Variants in SSTR5 observed in about 807,000 individuals in gnomAD.
SSTR5 encodes somatostatin receptor 5, also known as somatostatin receptor type 5.
SSTR5 carries 1 observed loss-of-function variant against 0.3 expected under a neutral mutation model. That is an observed-to-expected ratio of 2.98 (90% CI 1.06 to 14.15). The LOEUF (loss-of-function observed/expected upper bound fraction) is 14.15. Ranked by LOEUF, SSTR5 falls within the 30% of genes most tolerant of loss-of-function variation. The pLI is 0.12. For missense variants in SSTR5, 516 were observed against 543.2 expected, an observed-to-expected ratio of 0.95 and a Z score of 0.50; for synonymous variants, 256 against 263.1, an observed-to-expected ratio of 0.97 and a Z score of 0.26.
chr16:1,077,846 A>C (rs1960244379), intron 1 of SSTR5: 1 of 151,564 alleles, frequency 6.6e-6, no homozygotes, highest in Non-Finnish European at 1.5e-5. Context: ...ACCCTTCTCC[A>C]TGGACACCCC....
intron 1 of SSTR5, chr16:1,078,546 G>T (rs148979099): frequency 4.5e-6 from 2 of 444,106 alleles, no homozygotes; most frequent in Non-Finnish European, 8.3e-6. Flanking sequence ...AGGATGCTGC[G>T]GCCAGGCCAG....
At chr16:1,075,970 T>C (rs1960189430) in intron 1 of SSTR5, among the ~76,000 whole-genome samples, 1 of 1,488 alleles carries the variant, frequency 6.7e-4, no homozygotes, top group African/African-American at 3.1e-3. Context: ...TCCCCCTCTC[T>C]CTCCCTCCCC....
rs1960348341 is a variant in SSTR5 at position 1,080,508 on chromosome 16, A to T, written c.*545A>T. Among the ~76,000 whole-genome samples the T allele has an allele frequency of 6.6e-6, 1 of 152,150 alleles. No homozygotes were observed. The highest frequency in any genetic ancestry group is 2.4e-5 in the African/African-American group (1 of 41,444). On this transcript the variant is annotated 3_prime_UTR_variant, in exon 2 of 2. Transcript: ENST00000689027. ...GCCCTGCACTGTGTGGACTCTGGGG[A>T]TGCAGGTGTAAGGGGAGTGTGGCTG...
Position 1,079,347 on chromosome 16 carries a change from G to A in SSTR5, c.479G>A (p.Ser160Asn), listed in dbSNP as rs761236568. 3 of 1,603,316 alleles carry A rather than the reference G, an allele frequency of 1.9e-6. No individual in the cohort carries two copies. Among genetic ancestry groups the A allele is most frequent in the Admixed American group, 3.4e-5 (2 of 59,236 alleles). The change falls in exon 2 of 2, where the codon AGC becomes AAC. Residue 160 changes from serine (S) to asparagine (N), a missense_variant. Ser to Asn is a conservative substitution (Grantham distance 46). Coordinates refer to ENST00000689027, the MANE Select transcript of SSTR5 (RefSeq NM_001172560.3). ...CGCCCGCGTGTGGCCAAGCTGGCGA[G>A]CGCCGCGGCCTGGGTCCTGTCTCTG... ...WRRPRVAKLA[S>N]AAAWVLSLCM...
In SSTR5 at chr16:1,080,167, CG is replaced by C; in HGVS notation, c.*209del. The C allele has an allele frequency of 1.5e-6, 1 of 685,650 alleles. No homozygotes were observed. Among genetic ancestry groups the C allele is most frequent in the Non-Finnish European group, 2.4e-6 (1 of 425,298 alleles). 42.5% of individuals were successfully genotyped at this position (685,650 alleles called of 1,614,324 possible). A position where few individuals can be genotyped will look rare whatever the true frequency, so the allele number is the denominator to read the frequency against. ...TCCCCTCTAACCGTCTGCCACACAG[CG>C]GGGGCTCCCGGGAGGTAGGGGAGGT... On this transcript the variant is annotated 3_prime_UTR_variant, in exon 2 of 2. Coordinates refer to ENST00000689027, the MANE Select transcript of SSTR5 (RefSeq NM_001172560.3).
intron 1 of SSTR5, among the ~76,000 whole-genome samples, chr16:1,073,929 C>T (rs1446765319): frequency 1.3e-5 from 2 of 152,228 alleles, no homozygotes; most frequent in East Asian, 1.9e-4. Context: ...GAGGGTGCCC[C>T]GAGAAGCGTT....
chr16:1,073,427 G>A (rs1301649487), intron 1 of SSTR5: 4 of 152,304 alleles, frequency 2.6e-5, no homozygotes, highest in Non-Finnish European at 5.9e-5. Flanking sequence ...CTGGAAGGCA[G>A]CAGGCAGAGG....
In SSTR5 at chr16:1,081,099, C is replaced by T. The variant is rs1960368602; in HGVS notation, c.*1136C>T. 2.1e-6 allele frequency: 1 copy of T among 470,462 alleles called. No homozygotes were observed. The highest frequency in any genetic ancestry group is 4.4e-6 in the Non-Finnish European group (1 of 226,734). The allele number at this position is 470,462 out of a possible 1,614,324, so 29.1% of individuals were successfully genotyped here. ...ACCTAGAATTGTCCTACCTCCCCCA[C>T]CCCAAACACCAGCTTTTCCTGGCGC... On this transcript the variant is annotated 3_prime_UTR_variant, in exon 2 of 2. Coordinates refer to ENST00000689027, the MANE Select transcript of SSTR5 (RefSeq NM_001172560.3).
chr16:1,078,962 C>T lies in SSTR5; in HGVS notation c.94C>T (p.Pro32Ser), dbSNP rs1567386224. The T allele has an allele frequency of 1.9e-6, 3 of 1,592,848 alleles. No homozygotes were observed. Among genetic ancestry groups the T allele is most frequent in the Non-Finnish European group, 2.6e-6 (3 of 1,171,534 alleles). ...GGGDNRTLVG[P>S]APSAGARAVL... ...CGGTGACAACAGGACGCTGGTGGGG[C>T]CGGCGCCCTCGGCAGGGGCCCGGGC... Residue 32 changes from proline (P) to serine (S), a missense_variant, in exon 2 of 2, where the codon CCG (proline) becomes TCG (serine). Transcript: ENST00000689027.
In SSTR5 at chr16:1,080,069, G is replaced by C; in HGVS notation, c.*106G>C. ...CCAGTCAGGATGCTCCCCGGCGGTG[G>C]TGTGAGGACAGAGCTGGCTGAAGCC... On this transcript the variant is annotated 3_prime_UTR_variant, in exon 2 of 2. Transcript: ENST00000689027. 3 of 1,420,928 alleles carry C rather than the reference G, an allele frequency of 2.1e-6. No individual in the cohort carries two copies. The highest frequency in any genetic ancestry group is 2.8e-6 in the Non-Finnish European group (3 of 1,066,860). 88.0% of individuals were successfully genotyped at this position (1,420,928 alleles called of 1,614,324 possible).
At chr16:1,076,654 C>G (rs1328832957) in intron 1 of SSTR5, among the ~76,000 whole-genome samples, 1 of 152,060 alleles carries the variant, frequency 6.6e-6, no homozygotes, top group Non-Finnish European at 1.5e-5. Flanking sequence ...ATCTTTCAAC[C>G]CTCTTCCCAT....
At position 1,079,597 on chromosome 16, in the gene SSTR5, G is replaced by A; in HGVS notation, c.729G>A (p.Glu243=). The A allele has an allele frequency of 1.2e-6, 2 of 1,611,420 alleles. No individual in the cohort carries two copies. The highest frequency in any genetic ancestry group is 1.1e-5 in the South Asian group (1 of 90,946). Residue 243 remains glutamate, a synonymous_variant, in exon 2 of 2, where the codon GAG becomes GAA. Coordinates refer to ENST00000689027, the MANE Select transcript of SSTR5 (RefSeq NM_001172560.3). ...TGGGCTGCGTGCGGCGGCGCTCGGAGCGGAAGGTGACGCGCATGGTGTTGG... is the reference window on the plus strand; with the variant it reads ...TGGGCTGCGTGCGGCGGCGCTCGGAACGGAAGGTGACGCGCATGGTGTTGG... ...VRVGCVRRRS[E]RKVTRMVLVV...
intron 1 of SSTR5, chr16:1,078,363 C>T (rs1028599903): frequency 1.8e-5 from 3 of 167,196 alleles, no homozygotes; most frequent in Non-Finnish European, 3.9e-5. Flanking sequence ...TCATCCCAGG[C>T]GGACAGGGGG....
rs142959735 is a variant in SSTR5, at chr16:1,079,608, C to T, written c.740C>T (p.Thr247Met). ...CVRRRSERKV[T>M]RMVLVVVLVF... ...CGGCGGCGCTCGGAGCGGAAGGTGA[C>T]GCGCATGGTGTTGGTGGTGGTGCTG... The change falls in exon 2 of 2, where the codon ACG becomes ATG. Residue 247 changes from threonine (T) to methionine (M), a missense_variant. Thr to Met is a moderately conservative substitution (Grantham distance 81). Transcript: ENST00000689027. 1.6e-5 allele frequency: 25 copies of T among 1,611,472 alleles called. No homozygotes were observed. Among genetic ancestry groups the T allele is most frequent in the Admixed American group, 1.3e-4 (8 of 59,914 alleles).
At position 1,078,835 on chromosome 16, in the gene SSTR5, C is replaced by A. The variant is rs1208280476; in HGVS notation, c.-27-7C>A. 1 of 1,599,840 alleles carries A rather than the reference C, an allele frequency of 6.3e-7. No individual in the cohort carries two copies. Among genetic ancestry groups the A allele is most frequent in the Non-Finnish European group, 8.5e-7 (1 of 1,178,676 alleles). ...CCACCCTGGCGTCCTCCCTTCTTCT[C>A]TTGCAGAGCCTGACGCACCCCAGGG... On this transcript the variant is annotated splice_polypyrimidine_tract_variant and splice_region_variant and intron_variant, in intron 1 of 1. Coordinates refer to ENST00000689027, the MANE Select transcript of SSTR5 (RefSeq NM_001172560.3).
rs34070276 is a variant in SSTR5, at chr16:1,079,568, C to T, written c.700C>T (p.Arg234Cys). ...IVVKVRAAGV[R>C]VGCVRRRSER... ...GGTGAAGGTGAGGGCGGCGGGCGTG[C>T]GCGTGGGCTGCGTGCGGCGGCGCTC... Residue 234 changes from arginine to cysteine, a missense_variant, in exon 2 of 2, where the codon CGC becomes TGC. Coordinates refer to ENST00000689027, the MANE Select transcript of SSTR5 (RefSeq NM_001172560.3). 39 of 1,611,306 alleles carry T rather than the reference C, an allele frequency of 2.4e-5. No individual in the cohort carries two copies. In the East Asian group the frequency reaches 4.2e-4, roughly 18 times the overall value.
chr16:1,079,974 G>C lies in SSTR5; in HGVS notation c.*11G>C, dbSNP rs779808706. The C allele has an allele frequency of 6.9e-6, 11 of 1,586,898 alleles. No homozygotes were observed. In the East Asian group the frequency reaches 9.1e-5, roughly 13 times the overall value. ...ACCAGCAAGCTGTGAGAGTGCAGGC[G>C]GGGGGTGGGCGGCCCCGTGTCACCC... is the stretch of plus-strand genomic sequence containing the variant. On this transcript the variant is annotated 3_prime_UTR_variant, in exon 2 of 2. Coordinates refer to ENST00000689027, the MANE Select transcript of SSTR5 (RefSeq NM_001172560.3).
At chr16:1,078,440 T>C (rs1285339805) in intron 1 of SSTR5, 1 of 189,194 alleles carries the variant, frequency 5.3e-6, no homozygotes, top group Non-Finnish European at 1.1e-5. Context: ...GGCCGCCCGC[T>C]GGGCCTCGGC....
In SSTR5 at chr16:1,079,975, G is replaced by T; in HGVS notation, c.*12G>T. 6.3e-7 allele frequency: 1 copy of T among 1,585,244 alleles called. No homozygotes were observed. The highest frequency in any genetic ancestry group is 8.6e-7 in the Non-Finnish European group (1 of 1,167,214). On this transcript the variant is annotated 3_prime_UTR_variant, in exon 2 of 2. Transcript: ENST00000689027. Reference sequence around the variant, plus strand: ...CCAGCAAGCTGTGAGAGTGCAGGCGGGGGGTGGGCGGCCCCGTGTCACCCC... The same window carrying T: ...CCAGCAAGCTGTGAGAGTGCAGGCGTGGGGTGGGCGGCCCCGTGTCACCCC...
Sources: gnomAD v4.1 joint callset for allele counts (sites outside exome capture counted in the v4.1 genomes callset) on GRCh38, gnomAD v4.1.1 for gene constraint, MANE v1.5 for transcripts, NCBI Gene and HGNC (gene_info 2026-07-23, HGNC 2026-07-21) for gene names.